Variants in NOX4 observed in about 807,000 individuals in gnomAD.
NOX4 encodes the protein kidney oxidase-1.
A neutral mutation model predicts 87.6 loss-of-function variants in NOX4; 69 were observed. The observed-to-expected ratio is 0.79, with a 90% confidence interval of 0.65 to 0.96. The LOEUF is 0.96. Ranked by LOEUF, NOX4 falls within the 40% of genes least tolerant of loss-of-function variation. NOX4 has a pLI of 0.00. For synonymous variants in NOX4, 275 were observed against 238.2 expected (o/e 1.15, Z -1.42); for missense variants, 680 against 681.5 (o/e 1.00, Z 0.02).
At chr11:89,495,564 A>G (rs1946939201), upstream of NOX4, among the ~76,000 whole-genome samples, 1 of 152,166 alleles carries the variant, frequency 6.6e-6, no homozygotes, top group South Asian at 2.1e-4. Context: ...TTATAAAGTA[A>G]CTTTACAAGT....
chr11:89,527,490 C>A, the NOX4 span, among the ~76,000 whole-genome samples: 4 of 152,156 alleles, frequency 2.6e-5, no homozygotes, highest in African/African-American at 9.7e-5. Flanking sequence ...ATCACAGACC[C>A]AGAGGCCTAG....
chr11:89,582,618 T>C, the NOX4 span, among the ~76,000 whole-genome samples: 1 of 152,174 alleles, frequency 6.6e-6, no homozygotes, highest in East Asian at 1.9e-4. Context: ...TTGTTTCTTG[T>C]GCCTAAAAAG....
At chr11:89,406,830 T>A (rs1942213723) in intron 8 of NOX4, among the ~76,000 whole-genome samples, 1 of 152,026 alleles carries the variant, frequency 6.6e-6, no homozygotes, top group African/African-American at 2.4e-5. Flanking sequence ...AGGGCAAAAT[T>A]ATTAATGCCA....
the NOX4 span, among the ~76,000 whole-genome samples, chr11:89,525,772 G>T: frequency 3.3e-5 from 5 of 151,992 alleles, no homozygotes; most frequent in Non-Finnish European, 5.9e-5. Flanking sequence ...TTGTGTGCTA[G>T]ATGAGCAATA....
chr11:89,428,404 A>G (rs556541318), intron 7 of NOX4, among the ~76,000 whole-genome samples: 1 of 152,328 alleles, frequency 6.6e-6, no homozygotes, highest in South Asian at 2.1e-4. Context: ...AAATGTTCCA[A>G]TTAAAATGCA....
chr11:89,353,139 G>A (rs1362204791), intron 13 of NOX4, among the ~76,000 whole-genome samples: 9 of 152,198 alleles, frequency 5.9e-5, no homozygotes, highest in Middle Eastern at 3.2e-3. Flanking sequence ...TCCTGGTAAA[G>A]AAGCTATGAA....
At chr11:89,440,241 C>G (rs571240891) in intron 6 of NOX4, among the ~76,000 whole-genome samples, 2 of 152,282 alleles carry the variant, frequency 1.3e-5, no homozygotes, top group Admixed American at 6.5e-5. Flanking sequence ...TTCTTACATG[C>G]AAATTGTCCA....
At chr11:89,506,301 AAGAGAG>A in the NOX4 span, among the ~76,000 whole-genome samples, 1 of 134,282 alleles carries the variant, frequency 7.4e-6, no homozygotes, top group African/African-American at 2.9e-5. Flanking sequence ...GAAAGAAAGA[AAGAGAG>A]AGAAAGAAAG....
chr11:89,489,046 A>G, intron 2 of NOX4: 1 of 698,676 alleles, frequency 1.4e-6, no homozygotes, highest in Non-Finnish European at 2.6e-6. Flanking sequence ...TTTACAGACT[A>G]TTTTTTTCAA....
At chr11:89,525,273 T>C in the NOX4 span, among the ~76,000 whole-genome samples, 4 of 152,216 alleles carry the variant, frequency 2.6e-5, no homozygotes, top group East Asian at 7.7e-4. Context: ...TAGATGTATG[T>C]TTAACGTTAT....
chr11:89,473,041 A>T (rs897643626), intron 2 of NOX4, among the ~76,000 whole-genome samples: 2 of 152,170 alleles, frequency 1.3e-5, no homozygotes, highest in African/African-American at 2.4e-5. Context: ...ATTGAAGTGG[A>T]AATATTTTTT....
In NOX4 at chr11:89,344,360, G is replaced by C. The variant is rs181696229; in HGVS notation, c.1218-2167C>G. On this transcript the variant is annotated intron_variant, in intron 13 of 17. Transcript: ENST00000263317. ...AGGATGGCTTAGGGCCAGAATTTTG[G>C]GCCCAGCCTGAGCAACAAAATGAGA... 3.6e-3 allele frequency among the ~76,000 whole-genome samples: 548 copies of C among 151,748 alleles called. 2 individuals are homozygous for C. Among genetic ancestry groups the C allele is most frequent in the Admixed American group, 0.011 (162 of 15,232 alleles).
the NOX4 span, among the ~76,000 whole-genome samples, chr11:89,566,750 C>T: frequency 6.6e-6 from 1 of 152,086 alleles, no homozygotes; most frequent in African/African-American, 2.4e-5. Context: ...AGACACTGGG[C>T]TGAAGGGGGA....
At chr11:89,370,812 T>G (rs1248497947) in intron 12 of NOX4, among the ~76,000 whole-genome samples, 1 of 152,022 alleles carries the variant, frequency 6.6e-6, no homozygotes, top group Non-Finnish European at 1.5e-5. Flanking sequence ...ACTTGGTGCT[T>G]CTTTGTCTTG....
chr11:89,449,225 T>G (rs1944839813), intron 4 of NOX4, among the ~76,000 whole-genome samples: 1 of 152,170 alleles, frequency 6.6e-6, no homozygotes, highest in Non-Finnish European at 1.5e-5. Flanking sequence ...ACGTGTGGTT[T>G]AAAACACAAA....
intron 7 of NOX4, among the ~76,000 whole-genome samples, chr11:89,425,230 T>C (rs955667723): frequency 2.0e-5 from 3 of 152,058 alleles, no homozygotes; most frequent in Non-Finnish European, 2.9e-5. Context: ...GGCACCCTCA[T>C]GTACTGATGT....
chr11:89,534,874 G>C, the NOX4 span, among the ~76,000 whole-genome samples: 5 of 152,132 alleles, frequency 3.3e-5, no homozygotes. Flanking sequence ...TTGCACATAG[G>C]GCTGTTTACA....
intron 17 of NOX4, among the ~76,000 whole-genome samples, chr11:89,333,933 T>C (rs958113894): frequency 6.6e-6 from 1 of 151,720 alleles, no homozygotes; most frequent in African/African-American, 2.4e-5. Flanking sequence ...CAGTTTTCCA[T>C]TGTTTCCAGA....
chr11:89,380,310 G>T (rs1940183587), intron 11 of NOX4, among the ~76,000 whole-genome samples: 1 of 152,168 alleles, frequency 6.6e-6, no homozygotes, highest in Non-Finnish European at 1.5e-5. Context: ...TTTCAGTAAA[G>T]TGAATGATCA....
Sources: allele counts gnomAD v4.1 joint callset (sites outside exome capture counted in the v4.1 genomes callset), GRCh38; gene constraint gnomAD v4.1.1; transcripts MANE v1.5; gene names NCBI Gene and HGNC (gene_info 2026-07-23, HGNC 2026-07-21).